DPP10: variants seen among roughly 807,000 people sequenced by gnomAD.
DPP10 encodes dipeptidyl peptidase like 10, also known as inactive dipeptidyl peptidase 10.
In DPP10, 33 loss-of-function variants were observed where a neutral mutation model predicts 120.9. That is an observed-to-expected ratio of 0.27 (90% CI 0.21 to 0.37). The LOEUF is 0.37. Among genes scored for constraint, DPP10 ranks in the 10% least tolerant of loss-of-function variants. The pLI, the probability that DPP10 is intolerant of heterozygous loss-of-function variation, is 1.00. For missense variants in DPP10, 816 were observed against 942.8 expected, an observed-to-expected ratio of 0.87 and a Z score of 1.76; for synonymous variants, 337 against 326.1, an observed-to-expected ratio of 1.03 and a Z score of -0.36.
chr2:115,826,519 G>A (rs564063343), intron 21 of DPP10, among the ~76,000 whole-genome samples: 2 of 151,972 alleles, frequency 1.3e-5, no homozygotes, highest in African/African-American at 4.8e-5. Flanking sequence ...TCAGGAGTTC[G>A]AGACCAGCCT....
At chr2:114,899,258 G>A (rs962691663) in intron 1 of DPP10, among the ~76,000 whole-genome samples, 3 of 152,004 alleles carry the variant, frequency 2.0e-5, no homozygotes, top group Non-Finnish European at 4.4e-5. Context: ...AGACAGTGGT[G>A]AAGAGCAAGT....
intron 5 of DPP10, among the ~76,000 whole-genome samples, chr2:115,685,274 A>G (rs1211361403): frequency 1.3e-5 from 2 of 151,986 alleles, no homozygotes; most frequent in Non-Finnish European, 2.9e-5. Flanking sequence ...TTGACACACT[A>G]GCTGTATTTT....
intron 5 of DPP10, among the ~76,000 whole-genome samples, chr2:115,630,174 A>G (rs2085727593): frequency 6.6e-6 from 1 of 152,018 alleles, no homozygotes; most frequent in African/African-American, 2.4e-5. Context: ...GCAATTGTGA[A>G]TGGGAGTTCA....
intron 1 of DPP10, among the ~76,000 whole-genome samples, chr2:115,158,951 C>T (rs2052098677): frequency 6.6e-6 from 1 of 150,734 alleles, no homozygotes; most frequent in African/African-American, 2.4e-5. Flanking sequence ...TGGTAAGGGC[C>T]TTTTGCAAGG....
intron 5 of DPP10, among the ~76,000 whole-genome samples, chr2:115,680,709 A>G (rs2090591223): frequency 6.6e-6 from 1 of 151,986 alleles, no homozygotes; most frequent in Non-Finnish European, 1.5e-5. Flanking sequence ...ACTAACTTTT[A>G]GAGTAAACAT....
chr2:114,916,469 C>A (rs2106635979), intron 1 of DPP10, among the ~76,000 whole-genome samples: 1 of 152,264 alleles, frequency 6.6e-6, no homozygotes. Context: ...GTAACTCATT[C>A]TATGAGGCCA....
intron 1 of DPP10, among the ~76,000 whole-genome samples, chr2:115,187,325 C>T (rs534868636): frequency 3.7e-4 from 57 of 152,056 alleles, no homozygotes; most frequent in South Asian, 2.1e-4. Flanking sequence ...CGTGAGCCAC[C>T]GCGCCCGGCC....
intron 1 of DPP10, among the ~76,000 whole-genome samples, chr2:115,033,753 T>C (rs557136942): frequency 2.6e-3 from 395 of 151,294 alleles, no homozygotes; most frequent in Non-Finnish European, 4.3e-3. Context: ...CAGACTGTAG[T>C]GCAATGGCTC....
intron 3 of DPP10, among the ~76,000 whole-genome samples, chr2:115,403,426 G>A (rs777198470): frequency 1.9e-5 from 2 of 104,982 alleles, no homozygotes; most frequent in Non-Finnish European, 3.6e-5. Context: ...TTGATACAGA[G>A]TCTCACTCTG....
rs199626722 is a variant in DPP10 at position 114,485,462 on chromosome 2, GT to G, written c.60+42638del. On this transcript the variant is annotated intron_variant, in intron 1 of 25. Coordinates refer to ENST00000410059, the MANE Select transcript of DPP10 (RefSeq NM_020868.6). ...AAATCTCCTATTTTCAGGAAAAACT[GT>G]TTTTTTTTTTTTTGCGGGGAGGGGA... is the stretch of plus-strand genomic sequence containing the variant. 2.9e-3 allele frequency among the ~76,000 whole-genome samples: 396 copies of G among 137,056 alleles called. 3 individuals are homozygous for G. Among genetic ancestry groups the G allele is most frequent in the African/African-American group, 5.4e-3 (201 of 37,248 alleles). 89.9% of individuals were successfully genotyped at this position (137,056 alleles called of 152,430 possible). A position where few individuals can be genotyped will look rare whatever the true frequency, so the allele number is the denominator to read the frequency against.
chr2:115,498,784 A>C (rs748625199), intron 3 of DPP10, among the ~76,000 whole-genome samples: 11 of 150,932 alleles, frequency 7.3e-5, no homozygotes, highest in Non-Finnish European at 1.6e-4. Context: ...TAGTAATTTC[A>C]GGCAGAGATA....
intron 1 of DPP10, among the ~76,000 whole-genome samples, chr2:115,227,950 G>T (rs1300455492): frequency 1.3e-5 from 2 of 148,484 alleles, no homozygotes; most frequent in South Asian, 2.1e-4. Context: ...GAGACAGGGT[G>T]GTAGTCTGTC....
At chr2:114,644,332 CTGTGTGTGTCTGTGTGTGTGTGTG>C (rs1271704871) in intron 1 of DPP10, among the ~76,000 whole-genome samples, 4 of 148,814 alleles carry the variant, frequency 2.7e-5, no homozygotes, top group African/African-American at 5.1e-5. Context: ...ATAGTTTCCT[CTGTGTGTGTCTGTGTGTGTGTGTG>C]TGTGTGTGTC....
At chr2:114,817,218 C>A (rs1359545845) in intron 1 of DPP10, among the ~76,000 whole-genome samples, 1 of 151,700 alleles carries the variant, frequency 6.6e-6, no homozygotes, top group Non-Finnish European at 1.5e-5. Flanking sequence ...CCTCTGCCTT[C>A]TCAGCCATCA....
chr2:115,306,528 G>A lies in DPP10; in HGVS notation c.61-2711G>A, dbSNP rs569696779. On this transcript the variant is annotated intron_variant, in intron 1 of 25. Transcript: ENST00000410059. ...TGTGTTTGATTCTTTAGCCAGTGTA[G>A]GGATGTTAAAGAACTTTGGAGAAAA... Among the ~76,000 whole-genome samples the A allele has an allele frequency of 2.0e-5, 3 of 152,186 alleles. No individual in the cohort carries two copies. In the East Asian group the frequency reaches 5.8e-4, roughly 29 times the overall value.
chr2:115,809,207 G>A (rs1686357298), intron 19 of DPP10, among the ~76,000 whole-genome samples: 1 of 152,084 alleles, frequency 6.6e-6, no homozygotes, highest in Admixed American at 6.6e-5. Flanking sequence ...AAATAATAAA[G>A]AGATAAATAG....
intron 1 of DPP10, among the ~76,000 whole-genome samples, chr2:115,280,269 T>G (rs1294368663): frequency 6.6e-6 from 1 of 152,192 alleles, no homozygotes; most frequent in African/African-American, 2.4e-5. Context: ...CTTCTACTTT[T>G]AGGCATGTAG....
intron 1 of DPP10, among the ~76,000 whole-genome samples, chr2:115,003,168 T>A: frequency 9.2e-6 from 1 of 108,788 alleles, no homozygotes. Flanking sequence ...ACATATACTA[T>A]GTAGCTATAA....
At chr2:115,669,634 A>T (rs1462926580) in intron 5 of DPP10, among the ~76,000 whole-genome samples, 3 of 152,074 alleles carry the variant, frequency 2.0e-5, no homozygotes, top group African/African-American at 7.2e-5. Flanking sequence ...TGGTGGCAAA[A>T]TTGCTCCAGT....
Sources: gnomAD v4.1 joint callset for allele counts (sites outside exome capture counted in the v4.1 genomes callset) on GRCh38, gnomAD v4.1.1 for gene constraint, MANE v1.5 for transcripts, NCBI Gene and HGNC (gene_info 2026-07-23, HGNC 2026-07-21) for gene names.